Variants in TSHR observed in about 807,000 individuals in gnomAD.
TSHR encodes thyrotropin receptor.
In TSHR, 51 loss-of-function variants were observed where a neutral mutation model predicts 64.1. The ratio of observed to expected loss-of-function variants is 0.80; its 90% CI spans 0.64 to 1.01. TSHR has a LOEUF of 1.01. Among genes scored for constraint, TSHR ranks in the 50% least tolerant of loss-of-function variants. The probability of loss-of-function intolerance (pLI) is 0.00; values close to 1 mark genes in which losing one functional copy is unlikely to be tolerated. For synonymous variants in TSHR, 361 were observed against 361.9 expected, an observed-to-expected ratio of 1.00 and a Z score of 0.03; for missense variants, 877 against 942.8, an observed-to-expected ratio of 0.93 and a Z score of 0.91.
chr14:81,051,559 T>A (rs1180448982), intron 1 of TSHR: 1 of 152,170 alleles, frequency 6.6e-6, no homozygotes, highest in Non-Finnish European at 1.5e-5. Context: ...TTCCTTTGGG[T>A]GGCATAGCTG....
intron 1 of TSHR, chr14:81,012,186 C>T (rs1255740538): frequency 3.3e-5 from 5 of 150,600 alleles, no homozygotes; most frequent in South Asian, 2.1e-4. Flanking sequence ...TGAGAATATG[C>T]GGTGTTTGGT....
intron 1 of TSHR, chr14:81,032,676 C>A: frequency 2.3e-6 from 1 of 429,342 alleles, no homozygotes; most frequent in South Asian, 2.0e-5. Context: ...CATAATCTCT[C>A]CTGTTGGTGA....
intron 1 of TSHR, among the ~76,000 whole-genome samples, chr14:81,002,141 G>C (rs1042059384): frequency 1.4e-4 from 21 of 152,090 alleles, no homozygotes; most frequent in Admixed American, 3.3e-4. Flanking sequence ...TTAAAGTACA[G>C]CCCCAGTTCC....
chr14:80,998,431 T>C (rs1889137375), intron 1 of TSHR, among the ~76,000 whole-genome samples: 1 of 152,034 alleles, frequency 6.6e-6, no homozygotes, highest in African/African-American at 2.4e-5. Flanking sequence ...AATAATTACA[T>C]GTTTGGTGGG....
chr14:81,138,352 G>A (rs979422147), intron 8 of TSHR, among the ~76,000 whole-genome samples: 3 of 151,422 alleles, frequency 2.0e-5, no homozygotes, highest in South Asian at 2.1e-4. Flanking sequence ...CACCATACCC[G>A]GCTAATTTTT....
chr14:81,081,111 G>A (rs1887869348), intron 3 of TSHR, among the ~76,000 whole-genome samples: 1 of 152,120 alleles, frequency 6.6e-6, no homozygotes, highest in South Asian at 2.1e-4. Context: ...AGGGATTTGA[G>A]GCTGTAGTGC....
chr14:81,084,415 A>G (rs895374462), intron 3 of TSHR, among the ~76,000 whole-genome samples: 48 of 152,206 alleles, frequency 3.2e-4, no homozygotes, highest in African/African-American at 1.0e-3. Context: ...TTTTAAACCT[A>G]TCTGCTAGAT....
intron 8 of TSHR, among the ~76,000 whole-genome samples, 190 bp from the exon 9 acceptor site, chr14:81,139,489 T>C (rs1891590575): frequency 6.6e-6 from 1 of 152,168 alleles, no homozygotes; most frequent in Non-Finnish European, 1.5e-5. Flanking sequence ...TCCAAGGAGT[T>C]CCTATAACAC....
intron 1 of TSHR, among the ~76,000 whole-genome samples, chr14:81,047,923 G>A (rs1171308587): frequency 5.3e-5 from 8 of 152,054 alleles, no homozygotes; most frequent in African/African-American, 1.7e-4. Context: ...TGGGATTACA[G>A]GTGTGAGCCA....
chr14:81,092,386 C>T (rs1037989789), intron 5 of TSHR, 145 bp from the exon 6 acceptor site: 14 of 778,302 alleles, frequency 1.8e-5, no homozygotes, highest in Admixed American at 6.1e-5. Context: ...GAGCCACTAG[C>T]GGTTAAGAAG....
intron 1 of TSHR, among the ~76,000 whole-genome samples, chr14:81,016,227 T>C (rs1366629449): frequency 3.3e-5 from 5 of 152,160 alleles, no homozygotes; most frequent in African/African-American, 1.2e-4. Context: ...CTGTACCAAT[T>C]TGCAATCCTA....
chr14:81,091,125 C>T lies in TSHR; in HGVS notation c.449C>T (p.Thr150Ile), dbSNP rs371283732. The T allele has an allele frequency of 6.2e-7, 1 of 1,612,044 alleles. No individual in the cohort carries two copies. Among genetic ancestry groups the T allele is most frequent in the African/African-American group, 1.3e-5 (1 of 75,002 alleles). Residue 150 changes from threonine (T) to isoleucine (I), a missense_variant, in exon 5 of 10, where the codon ACT (threonine) becomes ATT (isoleucine). Coordinates refer to ENST00000298171, the MANE Select transcript of TSHR (RefSeq NM_000369.5). ...MFPDLTKVYSTDIFFILEITD... is the reference protein window; with the variant it reads ...MFPDLTKVYSIDIFFILEITD... ...CCTGACCTGACCAAAGTTTATTCCA[C>T]TGATATATTCTTTATACTGTAAGTA...
intron 1 of TSHR, among the ~76,000 whole-genome samples, chr14:80,999,024 T>C (rs1280586378): frequency 2.0e-5 from 3 of 152,212 alleles, no homozygotes; most frequent in East Asian, 1.9e-4. Context: ...CATTTTCTCA[T>C]TGGCATCCAA....
At chr14:81,016,332 T>G (rs892572421) in intron 1 of TSHR, among the ~76,000 whole-genome samples, 2 of 152,210 alleles carry the variant, frequency 1.3e-5, no homozygotes, top group Non-Finnish European at 2.9e-5. Flanking sequence ...TGAGGTGATC[T>G]CTCACTACGG....
intron 1 of TSHR, among the ~76,000 whole-genome samples, chr14:81,031,942 T>TA (rs1319568013): frequency 6.6e-6 from 1 of 152,164 alleles, no homozygotes; most frequent in African/African-American, 2.4e-5. Flanking sequence ...GAAGAGGCAA[T>TA]TCTTCCACCA....
intron 8 of TSHR, among the ~76,000 whole-genome samples, chr14:81,126,674 A>G (rs66996522): frequency 0.26 from 40,145 of 152,122 alleles, 5,594 homozygotes; most frequent in African/African-American, 0.36. Flanking sequence ...ATTCTGAACC[A>G]TTTTATTAAC....
intron 1 of TSHR, among the ~76,000 whole-genome samples, chr14:81,034,851 C>T (rs112010866): frequency 5.9e-5 from 9 of 152,194 alleles, no homozygotes; most frequent in African/African-American, 2.2e-4. Context: ...CCTACACAAA[C>T]CCAGATGAAG....
intron 7 of TSHR, among the ~76,000 whole-genome samples, chr14:81,106,154 TG>T (rs1173583188): frequency 6.6e-6 from 1 of 152,190 alleles, no homozygotes; most frequent in Non-Finnish European, 1.5e-5. Context: ...ACTCTCCCTT[TG>T]TCATACTTAA....
chr14:81,124,340 G>T (rs1890928393), intron 8 of TSHR, among the ~76,000 whole-genome samples: 1 of 151,974 alleles, frequency 6.6e-6, no homozygotes, highest in Non-Finnish European at 1.5e-5. Context: ...GATTTTCTAG[G>T]ATGATCCTGA....
Sources: gnomAD v4.1 joint callset for allele counts (sites outside exome capture counted in the v4.1 genomes callset) on GRCh38, gnomAD v4.1.1 for gene constraint, MANE v1.5 for transcripts, NCBI Gene and HGNC (gene_info 2026-07-23, HGNC 2026-07-21) for gene names.